Variants in SLC5A1 observed in about 807,000 individuals in gnomAD.
SLC5A1 encodes sodium/glucose cotransporter 1.
In SLC5A1, 42 loss-of-function variants were observed where a neutral mutation model predicts 73.5. That is an observed-to-expected ratio of 0.57 (90% CI 0.45 to 0.74). SLC5A1 has a LOEUF of 0.74. SLC5A1 is among the 30% of genes least tolerant of loss of function. SLC5A1 has a pLI of 0.00. For synonymous variants in SLC5A1, 300 were observed against 317.4 expected (o/e 0.95, Z 0.58); for missense variants, 634 against 855.4 (o/e 0.74, Z 3.23).
Position 32,104,790 on chromosome 22 carries a change from A to G in SLC5A1, c.1670A>G (p.Tyr557Cys). 2 of 1,613,626 alleles carry G rather than the reference A, an allele frequency of 1.2e-6. No individual in the cohort carries two copies. The highest frequency in any genetic ancestry group is 1.7e-6 in the Non-Finnish European group (2 of 1,179,712). Residue 557 changes from tyrosine (Y) to cysteine (C), a missense_variant, in exon 14 of 15, where the codon TAC (tyrosine) becomes TGC (cysteine). By Grantham distance (194) the Tyr-to-Cys change is radical. Transcript: ENST00000266088. ...CCTGTTCTGCCTTCTCTGCAGCTCT[A>G]CCGTCTGTGTTGGAGCCTGCGCAAC... ...LTKPIPDVHL[Y>C]RLCWSLRNSK...
At position 32,100,829 on chromosome 22, in the gene SLC5A1, G is replaced by A. The variant is rs1400840349; in HGVS notation, c.1450-1193G>A. ...TCACTTCCAGATGCCAGCATAGGGT[G>A]AGGCACTAGCAACACAAAGTGAATG... On this transcript the variant is annotated intron_variant, in intron 12 of 14. Coordinates refer to ENST00000266088, the MANE Select transcript of SLC5A1 (RefSeq NM_000343.4). Among the ~76,000 whole-genome samples, 4 of 152,170 alleles carry A rather than the reference G, an allele frequency of 2.6e-5. No homozygotes were observed. In the East Asian group the frequency reaches 7.7e-4, roughly 29 times the overall value.
intron 5 of SLC5A1, among the ~76,000 whole-genome samples, chr22:32,071,664 T>C (rs739009): frequency 0.38 from 57,751 of 151,680 alleles, 12,780 homozygotes; most frequent in East Asian, 0.63. Context: ...TCGTTGCCTA[T>C]GATCAGTTTT....
At chr22:32,074,391 G>A (rs901928221) in intron 5 of SLC5A1, among the ~76,000 whole-genome samples, 3 of 152,164 alleles carry the variant, frequency 2.0e-5, no homozygotes, top group African/African-American at 4.8e-5. Flanking sequence ...GCCCATCCCC[G>A]AGGAGCCCGC....
At chr22:32,058,650 G>A (rs1480358320) in intron 2 of SLC5A1, among the ~76,000 whole-genome samples, 2 of 152,108 alleles carry the variant, frequency 1.3e-5, no homozygotes, top group African/African-American at 2.4e-5. Flanking sequence ...ATCTCTACCA[G>A]AAATATGTGG....
chr22:32,060,048 CACACATAT>C (rs1238302471), intron 2 of SLC5A1, among the ~76,000 whole-genome samples: 1 of 142,430 alleles, frequency 7.0e-6, no homozygotes, highest in Non-Finnish European at 1.6e-5. Context: ...CACACACACA[CACACATAT>C]ATACACACAC....
intron 11 of SLC5A1, 52 bp from the exon 12 acceptor site, chr22:32,099,131 T>TAC (rs1358834199): frequency 5.8e-5 from 38 of 650,060 alleles, no homozygotes; most frequent in Non-Finnish European, 8.0e-5. Context: ...TATATATATA[T>TAC]ACTCATGTAG....
chr22:32,088,213 A>T (rs1264138020), intron 10 of SLC5A1, among the ~76,000 whole-genome samples: 1 of 152,166 alleles, frequency 6.6e-6, no homozygotes, highest in Non-Finnish European at 1.5e-5. Flanking sequence ...ACTAAACATT[A>T]TGCGGGAGTG....
rs2093947548 is a variant in SLC5A1, at chr22:32,053,366, T to C, written c.207+3352T>C. ...CTCCTCCTTCTCCTCATTCTTTCCC[T>C]CCTTCCCTTTCTTCCTTCTCTTTCC... On this transcript the variant is annotated intron_variant, in intron 2 of 14. Transcript: ENST00000266088. 2.0e-5 allele frequency among the ~76,000 whole-genome samples: 3 copies of C among 152,110 alleles called. No homozygotes were observed. The South Asian group carries it at 6.3e-4, about 32-fold the overall frequency.
At chr22:32,091,320 CA>C (rs1338327081) in intron 10 of SLC5A1, among the ~76,000 whole-genome samples, 1 of 151,346 alleles carries the variant, frequency 6.6e-6, no homozygotes, top group Non-Finnish European at 1.5e-5. Flanking sequence ...CACACACACA[CA>C]CACACACACA....
intron 11 of SLC5A1, among the ~76,000 whole-genome samples, chr22:32,092,105 C>T (rs900569622): frequency 3.3e-5 from 5 of 152,076 alleles, no homozygotes; most frequent in Non-Finnish European, 5.9e-5. Flanking sequence ...CCCTCCCACC[C>T]GTTTCCCGTG....
chr22:32,047,238 TC>T (rs1461906309), intron 1 of SLC5A1, among the ~76,000 whole-genome samples: 1 of 152,050 alleles, frequency 6.6e-6, no homozygotes, highest in Non-Finnish European at 1.5e-5. Flanking sequence ...AGATGAAAAT[TC>T]CAGAGAAGAA....
rs760135611 is a variant in SLC5A1 at position 32,110,207 on chromosome 22, T to G, written c.1989T>G (p.Phe663Leu). The change falls in exon 15 of 15, where the codon TTT (phenylalanine) becomes TTG (leucine). Residue 663 changes from phenylalanine to leucine, a missense_variant. By Grantham distance (22) the Phe-to-Leu change is conservative. This residue lies in a region of SLC5A1 where 161 missense variants were observed against 178.7 expected (regional missense o/e 0.90). Transcript: ENST00000266088. ...VTVAVFCHAY[F>L]A ...TGGCTGTCTTTTGCCATGCATATTTTGCCTGAGTCCTACCTTTTGCTGTAG... is the reference window on the plus strand; with the variant it reads ...TGGCTGTCTTTTGCCATGCATATTTGGCCTGAGTCCTACCTTTTGCTGTAG... 1 of 1,611,062 alleles carries G rather than the reference T, an allele frequency of 6.2e-7. No individual in the cohort carries two copies. The highest frequency in any genetic ancestry group is 1.7e-5 in the Admixed American group (1 of 60,008).
intron 5 of SLC5A1, among the ~76,000 whole-genome samples, chr22:32,076,794 A>T (rs79647164): frequency 0.037 from 5,665 of 152,322 alleles, 192 homozygotes; most frequent in African/African-American, 0.083. Flanking sequence ...AGGCGAAGCA[A>T]CATGCCCAAG....
chr22:32,043,512 G>T lies in SLC5A1; in HGVS notation c.135+96G>T, dbSNP rs192514704. ...GCAAGGGGCAGTAGGCTTAAGTGTC[G>T]GTGGAGGGGAGAGGAAATGACTTGG... On this transcript the variant is annotated intron_variant, in intron 1 of 14. Transcript: ENST00000266088. The surrounding 1 kb of genome is among the most constrained non-coding windows in gnomAD (Gnocchi z 6.5). 5.2e-6 allele frequency: 7 copies of T among 1,347,966 alleles called. No individual in the cohort carries two copies. The highest frequency in any genetic ancestry group is 7.3e-6 in the Non-Finnish European group (7 of 955,988). The allele number at this position is 1,347,966 out of a possible 1,614,324, so 83.5% of individuals were successfully genotyped here. A position where few individuals can be genotyped will look rare whatever the true frequency, so the allele number is the denominator to read the frequency against.
intron 10 of SLC5A1, among the ~76,000 whole-genome samples, chr22:32,090,855 C>A (rs1222999111): frequency 6.6e-6 from 1 of 152,094 alleles, no homozygotes; most frequent in Non-Finnish European, 1.5e-5. Flanking sequence ...TTCCTGCCAG[C>A]AATATATGAA....
intron 4 of SLC5A1, 50 bp downstream of exon 4, chr22:32,068,076 A>G (rs1483573123): frequency 1.3e-6 from 2 of 1,570,424 alleles, no homozygotes; most frequent in Admixed American, 3.3e-5. Flanking sequence ...TGTATCTGTC[A>G]GCTTGGTCTT....
chr22:32,086,484 A>G (rs1026994766), intron 10 of SLC5A1, among the ~76,000 whole-genome samples, 157 bp downstream of exon 10: 1 of 152,130 alleles, frequency 6.6e-6, no homozygotes, highest in African/African-American at 2.4e-5. Flanking sequence ...GTTTTTGGAC[A>G]TGTCCTCTCT....
chr22:32,071,563 G>A (rs1017033382), intron 5 of SLC5A1, among the ~76,000 whole-genome samples: 3 of 152,160 alleles, frequency 2.0e-5, no homozygotes, highest in Admixed American at 6.5e-5. Flanking sequence ...AGAGAGAGGT[G>A]GTGTTTTCTG....
chr22:32,054,665 ATATT>A (rs66483574), intron 2 of SLC5A1, among the ~76,000 whole-genome samples: 20 of 151,804 alleles, frequency 1.3e-4, no homozygotes, highest in Admixed American at 5.9e-4. Context: ...TACAGATGGT[ATATT>A]TATTTATTTA....
Sources: allele counts gnomAD v4.1 joint callset (sites outside exome capture counted in the v4.1 genomes callset), GRCh38; gene constraint gnomAD v4.1.1; regional missense constraint gnomAD v4.1.1; non-coding constraint Gnocchi (gnomAD v3.1); transcripts MANE v1.5; gene names NCBI Gene and HGNC (gene_info 2026-07-23, HGNC 2026-07-21).